The following PDE3A variants were observed in gnomAD, a reference collection of about 807,000 sequenced individuals.
PDE3A encodes cGMP-inhibited 3',5'-cyclic phosphodiesterase 3A.
In PDE3A, 43 loss-of-function variants were observed where a neutral mutation model predicts 98.3. That is an observed-to-expected ratio of 0.44 (90% CI 0.34 to 0.56). The LOEUF (loss-of-function observed/expected upper bound fraction) is 0.56, where lower values mean the gene tolerates loss of function less well. PDE3A is among the 20% of genes least tolerant of loss of function. The pLI is 0.01. For synonymous variants in PDE3A, 663 were observed against 567.9 expected (o/e 1.17, Z -2.38); for missense variants, 1,427 against 1,440.7 (o/e 0.99, Z 0.15).
intron 15 of PDE3A, among the ~76,000 whole-genome samples, chr12:20,677,818 CT>C (rs35070728): frequency 0.69 from 104,865 of 152,028 alleles, 36,392 homozygotes; most frequent in East Asian, 0.79. Context: ...AGTTCCTTGG[CT>C]TTTGATTTTG....
chr12:20,597,929 G>T (rs1943503438), intron 2 of PDE3A, among the ~76,000 whole-genome samples: 1 of 152,040 alleles, frequency 6.6e-6, no homozygotes, highest in Non-Finnish European at 1.5e-5. Flanking sequence ...TTGAAATAGG[G>T]TAAATTTGCA....
At chr12:20,449,130 A>G (rs1945015702) in intron 1 of PDE3A, among the ~76,000 whole-genome samples, 1 of 152,190 alleles carries the variant, frequency 6.6e-6, no homozygotes, top group Non-Finnish European at 1.5e-5. Context: ...TCAACATTGC[A>G]TTTTATTAAC....
intron 1 of PDE3A, among the ~76,000 whole-genome samples, chr12:20,555,682 A>G (rs2121268817): frequency 6.6e-6 from 1 of 152,348 alleles, no homozygotes; most frequent in Non-Finnish European, 1.5e-5. Context: ...TTTGAGTAGA[A>G]TTGAGCACTC....
At position 20,517,587 on chromosome 12, in the gene PDE3A, C is replaced by T. The variant is rs115569774; in HGVS notation, c.961-39073C>T. 3.4e-3 allele frequency among the ~76,000 whole-genome samples: 521 copies of T among 152,282 alleles called. 3 individuals carry two copies. Among genetic ancestry groups the T allele is most frequent in the African/African-American group, 0.012 (501 of 41,556 alleles). On this transcript the variant is annotated intron_variant, in intron 1 of 15. Coordinates refer to ENST00000359062, the MANE Select transcript of PDE3A (RefSeq NM_000921.5). ...CAAACTGAGTATTTGTGATTTAGTT[C>T]TACTGGATGATTTACTTCTACTGGA...
intron 2 of PDE3A, among the ~76,000 whole-genome samples, chr12:20,593,409 C>A (rs967762330): frequency 3.3e-5 from 5 of 152,008 alleles, no homozygotes; most frequent in African/African-American, 1.2e-4. Flanking sequence ...CCTGAAGTGG[C>A]AGAGCAGCAT....
At position 20,646,848 on chromosome 12, in the gene PDE3A, C is replaced by T. The variant is rs1308856382; in HGVS notation, c.2463C>T (p.Ile821=). Residue 821 remains isoleucine (I), a synonymous_variant, in exon 12 of 16, where the codon ATC becomes ATT. Coordinates refer to ENST00000359062, the MANE Select transcript of PDE3A (RefSeq NM_000921.5). ...DDKYGCLSGN[I]PALELMALYV... ...AATACGGATGTCTGTCTGGGAATAT[C>T]CCTGCCTTGGAGTTGATGGCGCTGT... is the stretch of plus-strand genomic sequence containing the variant. The T allele has an allele frequency of 6.2e-7, 1 of 1,612,682 alleles. No homozygotes were observed. Among genetic ancestry groups the T allele is most frequent in the South Asian group, 1.1e-5 (1 of 91,038 alleles).
chr12:20,624,222 T>C (rs1944205593), intron 5 of PDE3A, among the ~76,000 whole-genome samples: 1 of 152,122 alleles, frequency 6.6e-6, no homozygotes. Flanking sequence ...AACTAGGATA[T>C]TTTGGGTTCT....
At chr12:20,577,508 G>A (rs1391422790) in intron 2 of PDE3A, among the ~76,000 whole-genome samples, 1 of 152,174 alleles carries the variant, frequency 6.6e-6, no homozygotes, top group Non-Finnish European at 1.5e-5. Context: ...CGCATATTCA[G>A]TTTAATGTGT....
rs567641908 is a variant in PDE3A at position 20,525,163 on chromosome 12, C to T, written c.961-31497C>T. The stretch of plus-strand genomic sequence containing the variant: ...AAAAGAAGATGGAGCTACATTACTG[C>T]TCCGGAGCCTTGGGCAAGTTATTAT... On this transcript the variant is annotated intron_variant, in intron 1 of 15. Transcript: ENST00000359062. Among the ~76,000 whole-genome samples the T allele has an allele frequency of 2.6e-5, 4 of 152,282 alleles. No homozygotes were observed. In the East Asian group the frequency reaches 7.7e-4, roughly 29 times the overall value.
At chr12:20,420,242 G>C (rs1029446533) in intron 1 of PDE3A, among the ~76,000 whole-genome samples, 1 of 152,122 alleles carries the variant, frequency 6.6e-6, no homozygotes, top group Non-Finnish European at 1.5e-5. Flanking sequence ...GTCTGTATTG[G>C]AGAGAGACTA....
At chr12:20,477,984 C>A (rs936400989) in intron 1 of PDE3A, among the ~76,000 whole-genome samples, 1 of 152,118 alleles carries the variant, frequency 6.6e-6, no homozygotes, top group African/African-American at 2.4e-5. Context: ...TTCTTGAAAT[C>A]TCAGAAGTAC....
intron 1 of PDE3A, among the ~76,000 whole-genome samples, chr12:20,432,577 T>C (rs915326446): frequency 6.6e-6 from 1 of 152,148 alleles, no homozygotes; most frequent in Non-Finnish European, 1.5e-5. Flanking sequence ...GTTGTATATA[T>C]TTAATATGTG....
chr12:20,408,658 C>T (rs1462510045), intron 1 of PDE3A, among the ~76,000 whole-genome samples: 1 of 152,016 alleles, frequency 6.6e-6, no homozygotes, highest in Non-Finnish European at 1.5e-5. Context: ...AGCTTTCTTC[C>T]CAAATATTCC....
At chr12:20,412,208 T>A (rs1270920626) in intron 1 of PDE3A, among the ~76,000 whole-genome samples, 1 of 152,184 alleles carries the variant, frequency 6.6e-6, no homozygotes, top group Non-Finnish European at 1.5e-5. Context: ...GCAAGCATAG[T>A]GTAAATATGT....
At chr12:20,393,403 C>G (rs551018045) in intron 1 of PDE3A, among the ~76,000 whole-genome samples, 4 of 152,064 alleles carry the variant, frequency 2.6e-5, no homozygotes, top group African/African-American at 9.6e-5. Context: ...GAAACTGCTG[C>G]CATCATTCAG....
intron 1 of PDE3A, among the ~76,000 whole-genome samples, chr12:20,408,446 T>C (rs1257953185): frequency 6.6e-6 from 1 of 152,178 alleles, no homozygotes; most frequent in Non-Finnish European, 1.5e-5. Flanking sequence ...CATGGCTGTT[T>C]GGCTCTGTTA....
intron 2 of PDE3A, among the ~76,000 whole-genome samples, chr12:20,573,475 C>T (rs74711760): frequency 0.011 from 1,646 of 151,950 alleles, 46 homozygotes; most frequent in Admixed American, 0.07. Context: ...GTTGTTATGA[C>T]TTGCTGAAGT....
chr12:20,590,027 C>T (rs1223418523), intron 2 of PDE3A, among the ~76,000 whole-genome samples: 4 of 151,990 alleles, frequency 2.6e-5, no homozygotes, highest in African/African-American at 9.7e-5. Flanking sequence ...GAGTTGGCAA[C>T]GTATTACATG....
intron 1 of PDE3A, chr12:20,553,153 T>C (rs570270010): frequency 7.1e-6 from 6 of 845,164 alleles, no homozygotes; most frequent in Non-Finnish European, 9.0e-6. Flanking sequence ...TCCTTTTTTT[T>C]TTTTTATTTT....
Sources: gnomAD v4.1 joint callset for allele counts (sites outside exome capture counted in the v4.1 genomes callset) on GRCh38, gnomAD v4.1.1 for gene constraint, MANE v1.5 for transcripts, NCBI Gene and HGNC (gene_info 2026-07-23, HGNC 2026-07-21) for gene names.